The following IQGAP2 variants were observed in gnomAD, a reference collection of about 807,000 sequenced individuals.
IQGAP2 encodes IQ motif containing GTPase activating protein 2, also known as ras GTPase-activating-like protein IQGAP2.
A neutral mutation model predicts 201.3 loss-of-function variants in IQGAP2; 173 were observed. The observed-to-expected ratio is 0.86, with a 90% CI of 0.76 to 0.98. The LOEUF is 0.98. IQGAP2 is among the 50% of genes least tolerant of loss of function. IQGAP2 has a pLI of 0.00. For synonymous variants in IQGAP2, 675 were observed against 673.9 expected, an observed-to-expected ratio of 1.00 and a Z score of -0.03; for missense variants, 1,687 against 1,864.8, an observed-to-expected ratio of 0.90 and a Z score of 1.76.
intron 21 of IQGAP2, chr5:76,660,283 A>G (rs1419668507): frequency 6.6e-6 from 1 of 152,192 alleles, no homozygotes; most frequent in Non-Finnish European, 1.5e-5. Flanking sequence ...AGAAATAATC[A>G]TCTCTTCTAA....
chr5:76,570,588 C>CA lies in IQGAP2; in HGVS notation c.312_313insA (p.Leu105ThrfsTer8). 6.2e-7 allele frequency: 1 copy of CA among 1,612,094 alleles called. No individual in the cohort carries two copies. Among genetic ancestry groups the CA allele is most frequent in the Non-Finnish European group, 8.5e-7 (1 of 1,178,162 alleles). ...TCCTATCGTCACTTTAGAAGTCTGG[C>CA]CTTCATTTTCGACACACAGATAATA... On this transcript the variant is annotated frameshift_variant, in exon 4 of 36. Transcript: ENST00000274364. LOFTEE classifies it high-confidence loss of function.
chr5:76,666,554 T>C (rs779889047), intron 22 of IQGAP2, among the ~76,000 whole-genome samples: 1 of 152,218 alleles, frequency 6.6e-6, no homozygotes, highest in Non-Finnish European at 1.5e-5. Flanking sequence ...TCCACCAAAC[T>C]TGATCCGCAA....
rs1161326771 is a variant in IQGAP2, at chr5:76,608,874, C to G, written c.1358-2146C>G. The G allele has an allele frequency of 9.5e-6, 4 of 422,056 alleles. No homozygotes were observed. In the East Asian group the frequency reaches 1.6e-4, roughly 17 times the overall value. 26.1% of individuals were successfully genotyped at this position (422,056 alleles called of 1,614,324 possible). ...GTGTAGGTTACCTCATCTGCTGCCT[C>G]AAATACATGAACTCTAAAAGAACGC... On this transcript the variant is annotated intron_variant, in intron 12 of 35. Transcript: ENST00000274364.
intron 3 of IQGAP2, among the ~76,000 whole-genome samples, chr5:76,566,337 A>C (rs529378992): frequency 6.6e-6 from 1 of 152,288 alleles, no homozygotes; most frequent in Non-Finnish European, 1.5e-5. Flanking sequence ...CTGAGGATGG[A>C]AGAGTGAGAA....
chr5:76,649,086 T>C (rs550509359), intron 17 of IQGAP2, among the ~76,000 whole-genome samples: 2 of 152,238 alleles, frequency 1.3e-5, no homozygotes, highest in African/African-American at 2.4e-5. Flanking sequence ...CAAAGACATA[T>C]CATAGTCAAA....
chr5:76,487,800 A>G (rs1473142103), intron 2 of IQGAP2, among the ~76,000 whole-genome samples: 1 of 152,238 alleles, frequency 6.6e-6, no homozygotes, highest in African/African-American at 2.4e-5. Context: ...TCCAGAACAC[A>G]GAGCCCAAAG....
chr5:76,641,040 G>A lies in IQGAP2; in HGVS notation c.2031G>A (p.Arg677=). The A allele has an allele frequency of 6.2e-7, 1 of 1,610,422 alleles. No individual in the cohort carries two copies. The part of the protein sequence containing the change: ...FQATSSGPIL[R]EEFEARKSFL... The stretch of plus-strand genomic sequence containing the variant: ...CCACAAGCTCAGGACCCATCCTTAG[G>A]GAAGAGTTTGAAGCTAGAAAATCAT... Residue 677 remains arginine (R), a synonymous_variant, in exon 17 of 36, where the codon AGG becomes AGA. Transcript: ENST00000274364.
intron 10 of IQGAP2, among the ~76,000 whole-genome samples, chr5:76,599,765 G>T (rs1182632170): frequency 6.6e-6 from 1 of 151,982 alleles, no homozygotes; most frequent in Non-Finnish European, 1.5e-5. Context: ...TTAAATACCT[G>T]TAATATCCTA....
At chr5:76,585,157 G>A (rs1226913189) in intron 5 of IQGAP2, among the ~76,000 whole-genome samples, 1 of 152,170 alleles carries the variant, frequency 6.6e-6, no homozygotes, top group Non-Finnish European at 1.5e-5. Context: ...AGAGGTGGAA[G>A]CATCTAAGGA....
chr5:76,518,884 G>A (rs1389636472), intron 2 of IQGAP2, among the ~76,000 whole-genome samples: 1 of 152,100 alleles, frequency 6.6e-6, no homozygotes, highest in Non-Finnish European at 1.5e-5. Context: ...AAATTAATGT[G>A]ATTGAGTTTC....
At chr5:76,572,952 A>G (rs189908131) in intron 4 of IQGAP2, among the ~76,000 whole-genome samples, 2 of 152,240 alleles carry the variant, frequency 1.3e-5, no homozygotes, top group East Asian at 3.9e-4. Flanking sequence ...TTTATCTTGA[A>G]ATGATCAGTG....
chr5:76,657,897 A>G (rs1228594691), intron 20 of IQGAP2, among the ~76,000 whole-genome samples: 1 of 152,196 alleles, frequency 6.6e-6, no homozygotes, highest in Admixed American at 6.5e-5. Context: ...TTTTTATTTC[A>G]GCTAAGTAGA....
At chr5:76,490,773 A>T (rs978415843) in intron 2 of IQGAP2, among the ~76,000 whole-genome samples, 1 of 152,162 alleles carries the variant, frequency 6.6e-6, no homozygotes, top group Non-Finnish European at 1.5e-5. Flanking sequence ...TCAAACACGA[A>T]AATACCATTA....
chr5:76,620,234 T>C (rs1749503178), intron 13 of IQGAP2, among the ~76,000 whole-genome samples: 1 of 152,064 alleles, frequency 6.6e-6, no homozygotes, highest in Non-Finnish European at 1.5e-5. Flanking sequence ...AGGTAAGAAA[T>C]TACAGGCAAG....
intron 5 of IQGAP2, among the ~76,000 whole-genome samples, chr5:76,582,923 C>G (rs1433194348): frequency 1.3e-5 from 2 of 152,196 alleles, no homozygotes; most frequent in African/African-American, 2.4e-5. Flanking sequence ...GAGTCGGTAG[C>G]TACCTCTGGG....
Position 76,707,279 on chromosome 5 carries a change from T to A in IQGAP2, c.4694T>A (p.Ile1565Lys), listed in dbSNP as rs1475501302. 6.4e-7 allele frequency: 1 copy of A among 1,570,846 alleles called. No individual in the cohort carries two copies. Among genetic ancestry groups the A allele is most frequent in the African/African-American group, 1.3e-5 (1 of 74,112 alleles). ...DKVKVNVNLL[I>K]YLLNKKFYGK is the part of the protein sequence containing the mutation. Reference sequence around the variant, plus strand: ...GTTAAAGTGAATGTAAACCTTCTCATATACCTGCTGAACAAGAAGTTCTAT... The same window carrying A: ...GTTAAAGTGAATGTAAACCTTCTCAAATACCTGCTGAACAAGAAGTTCTAT... Residue 1565 changes from isoleucine (I) to lysine (K), a missense_variant, in exon 36 of 36, where the codon ATA (isoleucine) becomes AAA (lysine). Coordinates refer to ENST00000274364, the MANE Select transcript of IQGAP2 (RefSeq NM_006633.5).
intron 8 of IQGAP2, among the ~76,000 whole-genome samples, chr5:76,591,899 T>C (rs1410031264): frequency 6.6e-6 from 1 of 152,190 alleles, no homozygotes; most frequent in South Asian, 2.1e-4. Flanking sequence ...CTTCCCTGGT[T>C]CAGAATGATG....
intron 2 of IQGAP2, among the ~76,000 whole-genome samples, chr5:76,467,330 A>C (rs1754835323): frequency 6.6e-6 from 1 of 152,222 alleles, no homozygotes; most frequent in Non-Finnish European, 1.5e-5. Flanking sequence ...AATGGGCAAA[A>C]GTTCTGAATA....
At chr5:76,521,308 G>T (rs866947635) in intron 2 of IQGAP2, among the ~76,000 whole-genome samples, 2 of 152,106 alleles carry the variant, frequency 1.3e-5, no homozygotes, top group Admixed American at 6.6e-5. Flanking sequence ...CCAATTCCAC[G>T]GGTCTAGCCA....
Sources: allele counts gnomAD v4.1 joint callset (sites outside exome capture counted in the v4.1 genomes callset), GRCh38; gene constraint gnomAD v4.1.1; transcripts MANE v1.5; gene names NCBI Gene and HGNC (gene_info 2026-07-23, HGNC 2026-07-21).